The following ADGRL3 variants were observed in gnomAD, a reference collection of about 807,000 sequenced individuals.
ADGRL3 encodes calcium-independent alpha-latrotoxin receptor 3.
In ADGRL3, 62 loss-of-function variants were observed where a neutral mutation model predicts 153.5. The ratio of observed to expected loss-of-function variants is 0.40; its 90% CI spans 0.33 to 0.50. The LOEUF (loss-of-function observed/expected upper bound fraction) is 0.50. Ranked by LOEUF, ADGRL3 falls within the 20% of genes least tolerant of loss-of-function variation. The probability of loss-of-function intolerance (pLI) is 0.47; values close to 1 mark genes in which losing one functional copy is unlikely to be tolerated. For synonymous variants in ADGRL3, 710 were observed against 672.5 expected, an observed-to-expected ratio of 1.06 and a Z score of -0.86; for missense variants, 1,641 against 1,859.4, an observed-to-expected ratio of 0.88 and a Z score of 2.16.
chr4:61,930,741 C>T (rs1205669488), intron 13 of ADGRL3, among the ~76,000 whole-genome samples: 2 of 151,920 alleles, frequency 1.3e-5, no homozygotes, highest in African/African-American at 4.8e-5. Context: ...ACTTTTGGCT[C>T]TTTCCCATTT....
chr4:61,625,830 T>C (rs2149921655), intron 5 of ADGRL3, among the ~76,000 whole-genome samples: 1 of 152,204 alleles, frequency 6.6e-6, no homozygotes, highest in African/African-American at 2.4e-5. Flanking sequence ...GTTGGTATTC[T>C]AGGCATAACA....
chr4:61,430,598 C>T (rs1163527979), intron 2 of ADGRL3, among the ~76,000 whole-genome samples: 1 of 152,038 alleles, frequency 6.6e-6, no homozygotes, highest in Non-Finnish European at 1.5e-5. Context: ...CTGAAATGTA[C>T]ATTTTAACAT....
intron 1 of ADGRL3, among the ~76,000 whole-genome samples, chr4:61,267,380 G>A (rs975696162): frequency 4.6e-5 from 7 of 151,640 alleles, no homozygotes; most frequent in African/African-American, 1.7e-4. Flanking sequence ...TAACCCTACT[G>A]TACCATCATT....
At chr4:62,067,790 T>C (rs1395413308) in intron 25 of ADGRL3, among the ~76,000 whole-genome samples, 1 of 152,028 alleles carries the variant, frequency 6.6e-6, no homozygotes. Flanking sequence ...TACTCTAACA[T>C]ACACACACAT....
At chr4:61,542,007 ACT>A (rs2098692541) in intron 4 of ADGRL3, among the ~76,000 whole-genome samples, 1 of 151,794 alleles carries the variant, frequency 6.6e-6, no homozygotes, top group South Asian at 2.1e-4. Flanking sequence ...ACTTTAACAA[ACT>A]CTGATTATTA....
At chr4:62,029,516 T>C (rs1411999271) in intron 22 of ADGRL3, among the ~76,000 whole-genome samples, 21 of 151,660 alleles carry the variant, frequency 1.4e-4, no homozygotes, top group Non-Finnish European at 3.1e-4. Flanking sequence ...AACATAAATG[T>C]TAACATTTAG....
intron 8 of ADGRL3, among the ~76,000 whole-genome samples, chr4:61,770,497 C>A (rs2152301728): frequency 6.6e-6 from 1 of 152,240 alleles, no homozygotes; most frequent in Non-Finnish European, 1.5e-5. Context: ...TATCTATTAT[C>A]ATAGATTTAA....
chr4:61,203,442 G>A (rs1053842765), intron 1 of ADGRL3, among the ~76,000 whole-genome samples: 2 of 152,166 alleles, frequency 1.3e-5, no homozygotes, highest in East Asian at 3.9e-4. Context: ...TTACTCATTA[G>A]GAAGTATAAG....
intron 4 of ADGRL3, among the ~76,000 whole-genome samples, chr4:61,585,924 T>C (rs1261637029): frequency 1.3e-5 from 2 of 151,954 alleles, no homozygotes; most frequent in Non-Finnish European, 2.9e-5. Flanking sequence ...ATTTTTCTTA[T>C]ACAAAAAACT....
intron 2 of ADGRL3, among the ~76,000 whole-genome samples, chr4:61,482,909 A>G (rs953717001): frequency 7.2e-5 from 11 of 152,288 alleles, no homozygotes; most frequent in African/African-American, 2.4e-4. Context: ...AGAGATAATT[A>G]TATGATATAT....
chr4:61,224,271 T>C (rs1228317059), intron 1 of ADGRL3, among the ~76,000 whole-genome samples: 4 of 152,302 alleles, frequency 2.6e-5, no homozygotes, highest in Middle Eastern at 3.4e-3. Flanking sequence ...ATATTTAACA[T>C]GTGTTTATGT....
intron 5 of ADGRL3, among the ~76,000 whole-genome samples, chr4:61,597,168 A>G (rs1344440430): frequency 6.6e-6 from 1 of 152,132 alleles, no homozygotes; most frequent in Non-Finnish European, 1.5e-5. Context: ...TTGAAAATAA[A>G]CATTTGGAGC....
chr4:61,766,145 G>T (rs995816254), intron 8 of ADGRL3, among the ~76,000 whole-genome samples: 1 of 152,092 alleles, frequency 6.6e-6, no homozygotes, highest in Non-Finnish European at 1.5e-5. Context: ...ATGGGGGTCA[G>T]GTGTGGTATC....
intron 17 of ADGRL3, 55 bp from the exon 18 acceptor site, chr4:61,979,508 C>T: frequency 6.8e-7 from 1 of 1,463,680 alleles, no homozygotes; most frequent in East Asian, 2.3e-5. Flanking sequence ...CCTTATAAAA[C>T]TTTGTAATTG....
At chr4:61,615,689 C>T (rs971021139) in intron 5 of ADGRL3, among the ~76,000 whole-genome samples, 5 of 151,738 alleles carry the variant, frequency 3.3e-5, no homozygotes, top group African/African-American at 9.7e-5. Flanking sequence ...GTAAAGAGAC[C>T]GCCTTACCTT....
At chr4:61,682,358 C>G (rs2095354978) in intron 6 of ADGRL3, among the ~76,000 whole-genome samples, 1 of 151,762 alleles carries the variant, frequency 6.6e-6, no homozygotes, top group Non-Finnish European at 1.5e-5. Flanking sequence ...CAGTTTCTTT[C>G]CCTCCAAATA....
In ADGRL3 at chr4:62,049,775, T is replaced by C. The variant is rs1733132493; in HGVS notation, c.3814+5226T>C. On this transcript the variant is annotated intron_variant, in intron 25 of 26. Coordinates refer to ENST00000683033, the MANE Select transcript of ADGRL3 (RefSeq NM_001387552.1). ...CCTACTCATTTTAGTTTTGCATTAA[T>C]AGTTCTAAGAATGGACACCTGAGTT... 2.0e-5 allele frequency among the ~76,000 whole-genome samples: 3 copies of C among 152,126 alleles called. No individual in the cohort carries two copies. The South Asian group carries it at 6.2e-4, about 31-fold the overall frequency.
chr4:61,792,963 G>A (rs1278815058), intron 8 of ADGRL3, among the ~76,000 whole-genome samples: 6 of 150,736 alleles, frequency 4.0e-5, no homozygotes, highest in Non-Finnish European at 7.4e-5. Context: ...AGACATACCC[G>A]CGACTGGGCA....
At chr4:61,268,413 G>A (rs987985929) in intron 1 of ADGRL3, among the ~76,000 whole-genome samples, 16 of 151,534 alleles carry the variant, frequency 1.1e-4, no homozygotes, top group African/African-American at 3.1e-4. Flanking sequence ...TTTATTTGCT[G>A]ATTAAGCTAA....
Sources: allele counts gnomAD v4.1 joint callset (sites outside exome capture counted in the v4.1 genomes callset), GRCh38; gene constraint gnomAD v4.1.1; transcripts MANE v1.5; gene names NCBI Gene and HGNC (gene_info 2026-07-23, HGNC 2026-07-21).